FCRL4: variants seen among roughly 807,000 people sequenced by gnomAD.
FCRL4 encodes Fc receptor-like protein 4.
A neutral mutation model predicts 64.1 loss-of-function variants in FCRL4; 43 were observed. The ratio of observed to expected loss-of-function variants is 0.67; its 90% CI spans 0.53 to 0.87. FCRL4 has a LOEUF of 0.87. Among genes scored for constraint, FCRL4 ranks in the 40% least tolerant of loss-of-function variants. FCRL4 has a pLI of 0.00. For missense variants in FCRL4, 656 were observed against 613.5 expected, an observed-to-expected ratio of 1.07 and a Z score of -0.73; for synonymous variants, 253 against 239.8, an observed-to-expected ratio of 1.05 and a Z score of -0.51.
intron 6 of FCRL4, among the ~76,000 whole-genome samples, chr1:157,582,943 G>A (rs1253904692): frequency 6.6e-6 from 1 of 152,182 alleles, no homozygotes; most frequent in Non-Finnish European, 1.5e-5. Flanking sequence ...CCAGGCCTAG[G>A]ATTCTAGACT....
Position 157,573,961 on chromosome 1 carries a change from CT to C in FCRL4, c.*1562del. On this transcript the variant is annotated 3_prime_UTR_variant, in exon 12 of 12. Coordinates refer to ENST00000271532, the MANE Select transcript of FCRL4 (RefSeq NM_031282.3). Reference sequence around the variant, plus strand: ...GGATCCAAACAAGACCCACACATTCCTTTTGGTCGACATGTCTCGTCTCATT... The same window carrying C: ...GGATCCAAACAAGACCCACACATTCCTTTGGTCGACATGTCTCGTCTCATT... 2 of 198,674 alleles carry C rather than the reference CT, an allele frequency of 1.0e-5. No homozygotes were observed. The highest frequency in any genetic ancestry group is 2.1e-5 in the Non-Finnish European group (2 of 96,158). The allele number at this position is 198,674 out of a possible 1,614,324, so 12.3% of individuals were successfully genotyped here.
chr1:157,594,472 A>G (rs1652913220), intron 2 of FCRL4, among the ~76,000 whole-genome samples: 1 of 152,222 alleles, frequency 6.6e-6, no homozygotes, highest in Non-Finnish European at 1.5e-5. Context: ...TCAATATTAG[A>G]TTCATGCTTT....
At chr1:157,593,831 G>A (rs1232045700) in intron 2 of FCRL4, among the ~76,000 whole-genome samples, 12 of 151,942 alleles carry the variant, frequency 7.9e-5, no homozygotes, top group Admixed American at 5.2e-4. Flanking sequence ...ACTTTGTGCC[G>A]GCTAACAACA....
chr1:157,589,746 GTGA>G (rs1652795980), intron 2 of FCRL4, among the ~76,000 whole-genome samples: 1 of 152,210 alleles, frequency 6.6e-6, no homozygotes, highest in South Asian at 2.1e-4. Context: ...ACTTGTTTCA[GTGA>G]ACCAGGTCCT....
intron 2 of FCRL4, among the ~76,000 whole-genome samples, chr1:157,592,445 C>T (rs886294093): frequency 3.3e-5 from 5 of 151,924 alleles, no homozygotes; most frequent in African/African-American, 1.2e-4. Flanking sequence ...AGACACGTCT[C>T]AAAAGAAGAC....
intron 10 of FCRL4, among the ~76,000 whole-genome samples, chr1:157,578,074 C>T (rs899253973): frequency 6.6e-5 from 10 of 152,046 alleles, no homozygotes; most frequent in Non-Finnish European, 1.5e-4. Flanking sequence ...TTTTCTAGCA[C>T]TTAATTAAAA....
Position 157,589,470 on chromosome 1 carries a change from A to G in FCRL4, c.53-12T>C. 2 of 1,613,230 alleles carry G rather than the reference A, an allele frequency of 1.2e-6. No homozygotes were observed. Among genetic ancestry groups the G allele is most frequent in the East Asian group, 2.2e-5 (1 of 44,872 alleles). On this transcript the variant is annotated splice_polypyrimidine_tract_variant and intron_variant, in intron 2 of 11. Coordinates refer to ENST00000271532, the MANE Select transcript of FCRL4 (RefSeq NM_031282.3). ...TTTGTGTGCAGCTGCTGAGGAGGAA[A>G]GAGTAATAGGTCTGAGGTGGAGGTG...
chr1:157,578,637 A>G (rs1652473046), intron 9 of FCRL4, 95 bp from the exon 10 acceptor site: 2 of 1,383,710 alleles, frequency 1.4e-6, no homozygotes, highest in East Asian at 2.3e-5. Context: ...TCTTGGACAC[A>G]TAATGGAACA....
rs861998 is a variant in FCRL4, at chr1:157,574,088, G to C, written c.*1436C>G. The C allele has an allele frequency of 4.7e-6, 1 of 214,702 alleles. No individual in the cohort carries two copies. Among genetic ancestry groups the C allele is most frequent in the Non-Finnish European group, 9.4e-6 (1 of 106,580 alleles). 13.3% of individuals were successfully genotyped at this position (214,702 alleles called of 1,614,324 possible). A position where few individuals can be genotyped will look rare whatever the true frequency, so the allele number is the denominator to read the frequency against. On this transcript the variant is annotated 3_prime_UTR_variant, in exon 12 of 12. Transcript: ENST00000271532. ...AATTTGTAAAGATCAAATCAGCGTA[G>C]TTGGGATATCTGTCACCTTAAATAT...
Position 157,575,450 on chromosome 1 carries a change from G to T in FCRL4, c.*74C>A. The stretch of plus-strand genomic sequence containing the variant: ...AGTTGATCATTCCAGGGGCCGCAAG[G>T]ACTGCACTGGGCCTGGGACTTTGGA... On this transcript the variant is annotated 3_prime_UTR_variant, in exon 12 of 12. Coordinates refer to ENST00000271532, the MANE Select transcript of FCRL4 (RefSeq NM_031282.3). The T allele has an allele frequency of 9.2e-7, 1 of 1,083,654 alleles. No individual in the cohort carries two copies. 67.1% of individuals were successfully genotyped at this position (1,083,654 alleles called of 1,614,324 possible). A position where few individuals can be genotyped will look rare whatever the true frequency, so the allele number is the denominator to read the frequency against.
At chr1:157,577,094 G>A (rs1389989243) in intron 10 of FCRL4, among the ~76,000 whole-genome samples, 2 of 152,214 alleles carry the variant, frequency 1.3e-5, no homozygotes, top group Admixed American at 6.5e-5. Context: ...GTGTGGGGAG[G>A]AAAAAAATAA....
intron 10 of FCRL4, among the ~76,000 whole-genome samples, chr1:157,576,729 G>C (rs539182501): frequency 6.6e-6 from 1 of 152,258 alleles, no homozygotes; most frequent in East Asian, 1.9e-4. Flanking sequence ...CCATTCAAAG[G>C]GGATCCTGAT....
intron 2 of FCRL4, 68 bp from the exon 3 acceptor site, chr1:157,589,526 G>A (rs1002428354): frequency 4.5e-6 from 7 of 1,569,400 alleles, no homozygotes; most frequent in Non-Finnish European, 6.1e-6. Context: ...GGCTTGTGTG[G>A]GTTACAGTGG....
rs1453162905 is a variant in FCRL4 at position 157,586,109 on chromosome 1, A to G, written c.1135+59T>C. 4.0e-6 allele frequency: 6 copies of G among 1,505,642 alleles called. No homozygotes were observed. In the East Asian group the frequency reaches 1.4e-4, roughly 34 times the overall value. The allele number at this position is 1,505,642 out of a possible 1,614,324, so 93.3% of individuals were successfully genotyped here. On this transcript the variant is annotated intron_variant, in intron 6 of 11. Transcript: ENST00000271532. ...TCACAGGGTAATGTTAGCTATCCCC[A>G]CCCTTAATTTGAGGAAGTTTGCTGA...
intron 1 of FCRL4, 31 bp from the exon 2 acceptor site, chr1:157,596,379 G>T (rs371249932): frequency 1.2e-6 from 2 of 1,613,660 alleles, no homozygotes; most frequent in Non-Finnish European, 1.7e-6. Context: ...AGCCATCAGC[G>T]TAGGCGAAGA....
intron 2 of FCRL4, among the ~76,000 whole-genome samples, chr1:157,593,870 A>G (rs1213622822): frequency 4.6e-5 from 7 of 152,204 alleles, no homozygotes; most frequent in South Asian, 2.1e-4. Context: ...ATTATTCACT[A>G]TTAGAAACAT....
At chr1:157,591,096 A>G (rs188883318) in intron 2 of FCRL4, among the ~76,000 whole-genome samples, 1 of 152,330 alleles carries the variant, frequency 6.6e-6, no homozygotes, top group East Asian at 1.9e-4. Context: ...GCAATAAATA[A>G]TGACTATGGT....
At position 157,574,074 on chromosome 1, in the gene FCRL4, A is replaced by G. The variant is rs1652347890; in HGVS notation, c.*1450T>C. On this transcript the variant is annotated 3_prime_UTR_variant, in exon 12 of 12. Coordinates refer to ENST00000271532, the MANE Select transcript of FCRL4 (RefSeq NM_031282.3). ...TCATACACTCATATAATTTGTAAAG[A>G]TCAAATCAGCGTAGTTGGGATATCT... The G allele has an allele frequency of 4.7e-6, 1 of 213,900 alleles. No individual in the cohort carries two copies. Among genetic ancestry groups the G allele is most frequent in the Admixed American group, 5.8e-5 (1 of 17,098 alleles). 13.3% of individuals were successfully genotyped at this position (213,900 alleles called of 1,614,324 possible). A position where few individuals can be genotyped will look rare whatever the true frequency, so the allele number is the denominator to read the frequency against.
rs138448208 is a variant in FCRL4, at chr1:157,589,222, G to T, written c.289C>A (p.Arg97Ser). ...TTCTCACCTGAAGAAAAGAGCAAGC[G>T]CACAGGGTTACTTCGTGGGGAGCCC... ...ARGSPRSNPVRLLFSSDSLIL... is the reference protein window; with the variant it reads ...ARGSPRSNPVSLLFSSDSLIL... The change falls in exon 3 of 12, where the codon CGC becomes AGC. Residue 97 changes from arginine to serine, a missense_variant. Transcript: ENST00000271532. The T allele has an allele frequency of 1.9e-6, 3 of 1,613,788 alleles. No individual in the cohort carries two copies. Among genetic ancestry groups the T allele is most frequent in the African/African-American group, 2.7e-5 (2 of 74,934 alleles).
Sources: allele counts gnomAD v4.1 joint callset (sites outside exome capture counted in the v4.1 genomes callset), GRCh38; gene constraint gnomAD v4.1.1; transcripts MANE v1.5; gene names NCBI Gene and HGNC (gene_info 2026-07-23, HGNC 2026-07-21).